REPS2: variants seen among roughly 807,000 people sequenced by gnomAD.
The protein encoded by REPS2 is ralBP1-associated Eps domain-containing protein 2.
Under a neutral mutation model 53.6 loss-of-function variants are expected in REPS2, and 23 were observed. The ratio of observed to expected loss-of-function variants is 0.43; its 90% confidence interval spans 0.31 to 0.61. The LOEUF (loss-of-function observed/expected upper bound fraction) is 0.61, where lower values mean the gene tolerates loss of function less well. Ranked by LOEUF, REPS2 falls within the 20% of genes least tolerant of loss-of-function variation. The probability of loss-of-function intolerance (pLI) is 0.11; values close to 1 mark genes in which losing one functional copy is unlikely to be tolerated. For missense variants in REPS2, 446 were observed against 534.9 expected (o/e 0.83, Z 1.64); for synonymous variants, 238 against 218.6 (o/e 1.09, Z -0.78).
chrX:17,027,659 G>GT (rs761592588), intron 4 of REPS2, among the ~76,000 whole-genome samples: 4,101 of 67,139 alleles, frequency 0.061, 268 homozygotes, highest in African/African-American at 0.18. Context: ...AAATCTTTAG[G>GT]TTTTTTTTTT....
At chrX:17,021,039 G>A (rs1219395775) in intron 2 of REPS2, among the ~76,000 whole-genome samples, 2 of 112,242 alleles carry the variant, frequency 1.8e-5, no homozygotes, top group Non-Finnish European at 3.8e-5. Context: ...TAGGATACTT[G>A]CTTGCTGTTG....
chrX:17,078,128 G>A (rs757442684), intron 13 of REPS2, among the ~76,000 whole-genome samples: 25 of 112,366 alleles, frequency 2.2e-4, no homozygotes, highest in Admixed American at 3.7e-4. Context: ...TAGTGAAGGT[G>A]ATAGGATACG....
intron 14 of REPS2, among the ~76,000 whole-genome samples, chrX:17,104,568 T>A (rs1015721463): frequency 8.9e-6 from 1 of 112,043 alleles, no homozygotes; most frequent in Admixed American, 9.5e-5. Flanking sequence ...AGAGCTATCC[T>A]TCCATACGGG....
chrX:16,949,553 G>A (rs1474679034), intron 1 of REPS2, among the ~76,000 whole-genome samples: 1 of 111,488 alleles, frequency 9.0e-6, no homozygotes, highest in Non-Finnish European at 1.9e-5. Flanking sequence ...GACTACAGGC[G>A]CACGCCACCT....
chrX:17,128,803 T>C (rs1252711165), intron 14 of REPS2, among the ~76,000 whole-genome samples: 1 of 112,212 alleles, frequency 8.9e-6, no homozygotes, highest in African/African-American at 3.2e-5. Context: ...AAGTCCAGGA[T>C]TTTCATTGCA....
intron 14 of REPS2, among the ~76,000 whole-genome samples, chrX:17,133,378 CTCT>C (rs1218710482): frequency 1.8e-5 from 2 of 111,698 alleles, no homozygotes; most frequent in African/African-American, 6.5e-5. Flanking sequence ...TAGTTCTTAC[CTCT>C]TCTTCTTCAC....
chrX:16,998,381 A>G (rs927008815), intron 1 of REPS2, among the ~76,000 whole-genome samples: 2 of 112,378 alleles, frequency 1.8e-5, no homozygotes, highest in Non-Finnish European at 3.8e-5. Flanking sequence ...CAATTTTGTT[A>G]GTTTCAACTT....
intron 14 of REPS2, among the ~76,000 whole-genome samples, chrX:17,118,844 A>G (rs186641590): frequency 8.9e-6 from 1 of 112,400 alleles, no homozygotes; most frequent in Non-Finnish European, 1.9e-5. Flanking sequence ...TCTGTGGGAC[A>G]TATTTGATGT....
chrX:17,094,146 A>C (rs1020359589), intron 13 of REPS2, among the ~76,000 whole-genome samples: 1 of 111,988 alleles, frequency 8.9e-6, no homozygotes, highest in African/African-American at 3.2e-5. Flanking sequence ...GAAAGGGTGC[A>C]TGGAGCTCAA....
intron 14 of REPS2, among the ~76,000 whole-genome samples, chrX:17,111,068 GA>G (rs1379170275): frequency 1.8e-5 from 2 of 111,881 alleles, no homozygotes; most frequent in Non-Finnish European, 3.8e-5. Context: ...TGTATTTTCG[GA>G]TTTTGGATAC....
At chrX:16,966,121 C>T (rs756809468) in intron 1 of REPS2, among the ~76,000 whole-genome samples, 1 of 110,855 alleles carries the variant, frequency 9.0e-6, no homozygotes, top group Non-Finnish European at 1.9e-5. Flanking sequence ...AGAGGGAGAC[C>T]GTGGGGAGAG....
At chrX:17,135,541 T>C in intron 16 of REPS2, 135 bp downstream of exon 16, 1 of 781,163 alleles carries the variant, frequency 1.3e-6, no homozygotes, top group Non-Finnish European at 1.8e-6. Flanking sequence ...CTCATCTCTG[T>C]GATGGGATTC....
intron 5 of REPS2, among the ~76,000 whole-genome samples, chrX:17,043,229 C>G (rs763501253): frequency 9.0e-6 from 1 of 111,519 alleles, no homozygotes; most frequent in East Asian, 2.8e-4. Flanking sequence ...AAGGGCCACT[C>G]TATGGGTTAC....
At position 17,135,568 on chromosome X, in the gene REPS2, TAGA is replaced by T. The variant is rs2063355212; in HGVS notation, c.1808+165_1808+167del. ...ATGGGATTCAAGTCTCCCAGTCACA[TAGA>T]AGGCTTTATAAGCTATAGGACTTAA... is the stretch of plus-strand genomic sequence containing the variant. On this transcript the variant is annotated intron_variant, in intron 16 of 17. Coordinates refer to ENST00000357277, the MANE Select transcript of REPS2 (RefSeq NM_004726.3). 20 of 600,737 alleles carry T rather than the reference TAGA, an allele frequency of 3.3e-5. No homozygotes were observed. The East Asian group carries it at 6.8e-4, about 20-fold the overall frequency. The allele number at this position is 600,737 out of a possible 1,213,427, so 49.5% of individuals were successfully genotyped here. A position where few individuals can be genotyped will look rare whatever the true frequency, so the allele number is the denominator to read the frequency against.
intron 1 of REPS2, among the ~76,000 whole-genome samples, chrX:16,951,559 A>ACACACACACACACACACCC (rs879259718): frequency 1.6e-4 from 6 of 37,509 alleles, no homozygotes; most frequent in Admixed American, 5.9e-4. Context: ...ACACACACAC[A>ACACACACACACACACACCC]CCCCCGCTAC....
the REPS2 span, among the ~76,000 whole-genome samples, chrX:17,180,591 G>A: frequency 1.0e-4 from 11 of 107,522 alleles, no homozygotes; most frequent in Non-Finnish European, 3.8e-5. Flanking sequence ...AAAGAAATTA[G>A]CACTTCAGGC....
At chrX:17,170,483 C>G in the REPS2 span, among the ~76,000 whole-genome samples, 1 of 112,391 alleles carries the variant, frequency 8.9e-6, no homozygotes, top group African/African-American at 3.2e-5. Context: ...TCTTCAAAGG[C>G]CAGTTCTTCA....
At chrX:17,171,218 T>C in the REPS2 span, among the ~76,000 whole-genome samples, 1 of 111,844 alleles carries the variant, frequency 8.9e-6, no homozygotes, top group Non-Finnish European at 1.9e-5. Flanking sequence ...TTGGAGTGCT[T>C]CCCACCCAGC....
the REPS2 span, among the ~76,000 whole-genome samples, chrX:17,189,304 T>A: frequency 1.8e-5 from 2 of 108,165 alleles, no homozygotes; most frequent in African/African-American, 6.7e-5. Context: ...TTTTTTTTTT[T>A]AGACAGAGTC....
Sources: gnomAD v4.1 joint callset for allele counts (sites outside exome capture counted in the v4.1 genomes callset) on GRCh38, gnomAD v4.1.1 for gene constraint, MANE v1.5 for transcripts, NCBI Gene and HGNC (gene_info 2026-07-23, HGNC 2026-07-21) for gene names.